VWC2L: variants seen among roughly 807,000 people sequenced by gnomAD.
VWC2L encodes von Willebrand factor C domain containing 2 like.
Under a neutral mutation model 21.6 loss-of-function variants are expected in VWC2L, and 10 were observed. The ratio of observed to expected loss-of-function variants is 0.46; its 90% CI spans 0.29 to 0.78. VWC2L has a LOEUF of 0.78. Ranked by LOEUF, VWC2L falls within the 30% of genes least tolerant of loss-of-function variation. The pLI, the probability that VWC2L is intolerant of heterozygous loss-of-function variation, is 0.10. For missense variants in VWC2L, 209 were observed against 277.1 expected, an observed-to-expected ratio of 0.75 and a Z score of 1.74; for synonymous variants, 96 against 94.3, an observed-to-expected ratio of 1.02 and a Z score of -0.10.
At chr2:214,439,064 C>G (rs1043574823) in intron 3 of VWC2L, among the ~76,000 whole-genome samples, 2 of 151,800 alleles carry the variant, frequency 1.3e-5, no homozygotes, top group East Asian at 1.9e-4. Flanking sequence ...TATTAAATGC[C>G]GCTAGTTAGT....
At chr2:214,487,936 G>A (rs1020668361) in intron 3 of VWC2L, among the ~76,000 whole-genome samples, 20 of 152,156 alleles carry the variant, frequency 1.3e-4, no homozygotes, top group African/African-American at 4.1e-4. Context: ...AAAGTGGAAG[G>A]TTGATCAGCT....
chr2:214,562,063 G>A (rs1202924481), intron 3 of VWC2L, among the ~76,000 whole-genome samples: 1 of 151,842 alleles, frequency 6.6e-6, no homozygotes, highest in Admixed American at 6.6e-5. Flanking sequence ...GTAAACATAT[G>A]CCATAATGAT....
At chr2:214,550,100 G>C (rs183135536) in intron 3 of VWC2L, among the ~76,000 whole-genome samples, 1 of 152,132 alleles carries the variant, frequency 6.6e-6, no homozygotes, top group African/African-American at 2.4e-5. Flanking sequence ...CTTGAAACCC[G>C]CATGTGAAAT....
intron 3 of VWC2L, chr2:214,525,128 A>G (rs1209127558): frequency 6.6e-6 from 1 of 151,732 alleles, no homozygotes; most frequent in Non-Finnish European, 1.5e-5. Flanking sequence ...TTCTTTTTGC[A>G]CTAACTGAAA....
At chr2:214,573,640 A>G (rs1267598762) in intron 3 of VWC2L, among the ~76,000 whole-genome samples, 1 of 152,192 alleles carries the variant, frequency 6.6e-6, no homozygotes, top group Non-Finnish European at 1.5e-5. Context: ...TACATTCTGG[A>G]AAAACCTCTC....
At chr2:214,445,554 G>T (rs952095659) in intron 3 of VWC2L, among the ~76,000 whole-genome samples, 1 of 151,450 alleles carries the variant, frequency 6.6e-6, no homozygotes, top group African/African-American at 2.4e-5. Flanking sequence ...GTCATATATA[G>T]AGAGACCCTA....
chr2:214,562,476 C>T (rs1559331928), intron 3 of VWC2L, among the ~76,000 whole-genome samples: 1 of 152,162 alleles, frequency 6.6e-6, no homozygotes, highest in Non-Finnish European at 1.5e-5. Context: ...ATCTTTGTAA[C>T]AGAATGATTT....
At chr2:214,568,056 G>A (rs189865341) in intron 3 of VWC2L, among the ~76,000 whole-genome samples, 63 of 152,264 alleles carry the variant, frequency 4.1e-4, no homozygotes, top group African/African-American at 1.4e-3. Context: ...CCGAGGAAAC[G>A]GAATGTGAGG....
intron 3 of VWC2L, among the ~76,000 whole-genome samples, chr2:214,504,271 G>A (rs1033202187): frequency 1.3e-5 from 2 of 152,196 alleles, no homozygotes; most frequent in South Asian, 4.1e-4. Context: ...AGATAGTTTG[G>A]TTGGAATGAG....
intron 2 of VWC2L, among the ~76,000 whole-genome samples, chr2:214,424,316 T>C (rs1315177467): frequency 6.6e-6 from 1 of 152,152 alleles, no homozygotes; most frequent in African/African-American, 2.4e-5. Context: ...CTTTAACCTC[T>C]CTTGGAAATG....
chr2:214,570,661 C>T (rs1690136803), intron 3 of VWC2L, among the ~76,000 whole-genome samples: 1 of 151,438 alleles, frequency 6.6e-6, no homozygotes. Flanking sequence ...CCATGCCCGG[C>T]AGGGAAAATT....
intron 3 of VWC2L, among the ~76,000 whole-genome samples, chr2:214,539,311 A>C (rs1226583098): frequency 6.6e-6 from 1 of 152,156 alleles, no homozygotes; most frequent in Non-Finnish European, 1.5e-5. Context: ...AAAGTTTATA[A>C]AATTACTTTG....
intron 3 of VWC2L, among the ~76,000 whole-genome samples, chr2:214,464,732 G>A (rs1703190915): frequency 6.6e-6 from 1 of 152,134 alleles, no homozygotes; most frequent in Non-Finnish European, 1.5e-5. Flanking sequence ...AGGGCAGTGA[G>A]CTCACCCCTG....
intron 2 of VWC2L, among the ~76,000 whole-genome samples, chr2:214,423,415 C>T (rs1445383759): frequency 6.6e-6 from 1 of 152,068 alleles, no homozygotes; most frequent in Non-Finnish European, 1.5e-5. Context: ...TCATTATTTG[C>T]AAAAGCAGTA....
chr2:214,469,849 C>T (rs11896608), intron 3 of VWC2L, among the ~76,000 whole-genome samples: 9,936 of 152,064 alleles, frequency 0.065, 1,038 homozygotes, highest in African/African-American at 0.23. Flanking sequence ...AAAATCTTGG[C>T]TGTATGAATG....
intron 3 of VWC2L, among the ~76,000 whole-genome samples, chr2:214,449,484 A>T (rs1702921882): frequency 6.6e-6 from 1 of 152,250 alleles, no homozygotes; most frequent in Admixed American, 6.5e-5. Flanking sequence ...TTAATTCTAG[A>T]TATCACATTA....
At chr2:214,540,057 G>T (rs1279201133) in intron 3 of VWC2L, among the ~76,000 whole-genome samples, 1 of 152,034 alleles carries the variant, frequency 6.6e-6, no homozygotes. Flanking sequence ...TTATCACCCT[G>T]AAAGTGTTAA....
chr2:214,553,823 A>G (rs1449151391), intron 3 of VWC2L, among the ~76,000 whole-genome samples: 1 of 152,164 alleles, frequency 6.6e-6, no homozygotes, highest in Non-Finnish European at 1.5e-5. Flanking sequence ...AAGGTCCATC[A>G]GTTGGCTGAG....
In VWC2L at chr2:214,539,082, A is replaced by C. The variant is rs1252306534; in HGVS notation, c.521-36590A>C. Among the ~76,000 whole-genome samples, 3 of 152,098 alleles carry C rather than the reference A, an allele frequency of 2.0e-5. No homozygotes were observed. In the East Asian group the frequency reaches 5.8e-4, roughly 29 times the overall value. On this transcript the variant is annotated intron_variant, in intron 3 of 3. Transcript: ENST00000312504. ...CCTCATAAAATTAAGCAACTATATA[A>C]TCAATTACATTTTTAAAAGGCAACG...
Sources: gnomAD v4.1 joint callset for allele counts (sites outside exome capture counted in the v4.1 genomes callset) on GRCh38, gnomAD v4.1.1 for gene constraint, MANE v1.5 for transcripts, NCBI Gene and HGNC (gene_info 2026-07-23, HGNC 2026-07-21) for gene names.